The following MED13 variants were observed in gnomAD, a reference collection of about 807,000 sequenced individuals.
MED13 encodes mediator of RNA polymerase II transcription subunit 13.
A neutral mutation model predicts 225.2 loss-of-function variants in MED13; 23 were observed. The ratio of observed to expected loss-of-function variants is 0.10; its 90% confidence interval spans 0.07 to 0.14. The LOEUF is 0.14. Ranked by LOEUF, MED13 falls within the 10% of genes least tolerant of loss-of-function variation. MED13 has a pLI of 1.00. For synonymous variants in MED13, 942 were observed against 889.2 expected (o/e 1.06, Z -1.06); for missense variants, 2,197 against 2,594.5 (o/e 0.85, Z 3.33).
At chr17:61,984,596 A>T in intron 14 of MED13, 55 bp downstream of exon 14, 1 of 1,447,592 alleles carries the variant, frequency 6.9e-7, no homozygotes, top group Non-Finnish European at 9.4e-7. Context: ...GCAACAAATT[A>T]ATTCTATAAG....
intron 10 of MED13, among the ~76,000 whole-genome samples, chr17:61,993,643 T>C (rs997006374): frequency 3.3e-5 from 5 of 151,298 alleles, no homozygotes; most frequent in East Asian, 2.0e-4. Flanking sequence ...AAACATATTA[T>C]TGGGGGCCAG....
intron 16 of MED13, among the ~76,000 whole-genome samples, chr17:61,973,335 T>TA: frequency 6.6e-6 from 1 of 152,148 alleles, no homozygotes; most frequent in Non-Finnish European, 1.5e-5. Context: ...AAAAAAAAAG[T>TA]AGACTTTAAC....
chr17:62,035,754 T>C (rs2143693994), intron 3 of MED13, 146 bp from the exon 4 acceptor site: 4 of 690,150 alleles, frequency 5.8e-6, no homozygotes, highest in Admixed American at 3.0e-5. Flanking sequence ...ATCATGGATA[T>C]GAGCAAAGAC....
At chr17:62,040,160 CT>C (rs1027632223) in intron 3 of MED13, among the ~76,000 whole-genome samples, 5 of 152,102 alleles carry the variant, frequency 3.3e-5, no homozygotes, top group African/African-American at 1.2e-4. Flanking sequence ...TTCAGACTTG[CT>C]TTTTTTCCAA....
intron 3 of MED13, among the ~76,000 whole-genome samples, chr17:62,039,017 G>C (rs990617212): frequency 3.3e-5 from 5 of 152,114 alleles, no homozygotes; most frequent in Admixed American, 6.5e-5. Context: ...TTGGCTTCTT[G>C]ATATAAAGGG....
At chr17:62,018,628 C>T (rs2080606049) in intron 8 of MED13, among the ~76,000 whole-genome samples, 2 of 151,862 alleles carry the variant, frequency 1.3e-5, no homozygotes, top group African/African-American at 4.8e-5. Context: ...GCACGAAAAT[C>T]GCTCGAGCCA....
intron 26 of MED13, among the ~76,000 whole-genome samples, chr17:61,954,415 T>C (rs1195875779): frequency 2.0e-5 from 3 of 152,238 alleles, no homozygotes; most frequent in Non-Finnish European, 4.4e-5. Flanking sequence ...TGAGTTCATG[T>C]ACAGGTACCT....
intron 3 of MED13, among the ~76,000 whole-genome samples, chr17:62,048,060 A>ATG (rs1277270223): frequency 7.0e-6 from 1 of 143,576 alleles, no homozygotes; most frequent in Non-Finnish European, 1.5e-5. Flanking sequence ...ATATATATAT[A>ATG]TATGTATATA....
intron 2 of MED13, among the ~76,000 whole-genome samples, chr17:62,055,463 G>A (rs1315050716): frequency 1.3e-5 from 2 of 151,926 alleles, no homozygotes; most frequent in African/African-American, 4.8e-5. Flanking sequence ...ATGAAATTCT[G>A]AAAATTTTAT....
At position 61,946,328 on chromosome 17, in the gene MED13, T is replaced by C; in HGVS notation, c.*140A>G. ...CAGGGTTATAGCCCCTCCCCCCAAG[T>C]CAAAACAATATTTGTTGAAGTAATA... On this transcript the variant is annotated 3_prime_UTR_variant, in exon 30 of 30. Coordinates refer to ENST00000397786, the MANE Select transcript of MED13 (RefSeq NM_005121.3). 1 of 1,036,206 alleles carries C rather than the reference T, an allele frequency of 9.7e-7. No individual in the cohort carries two copies. Among genetic ancestry groups the C allele is most frequent in the East Asian group, 2.6e-5 (1 of 37,906 alleles). 64.2% of individuals were successfully genotyped at this position (1,036,206 alleles called of 1,614,324 possible).
At chr17:62,043,443 C>T (rs531431139) in intron 3 of MED13, among the ~76,000 whole-genome samples, 2 of 152,230 alleles carry the variant, frequency 1.3e-5, no homozygotes, top group South Asian at 4.1e-4. Context: ...GCTGAAGTAA[C>T]TACACCTAAT....
rs575646978 is a variant in MED13, at chr17:61,974,397, C to A, written c.3806-1509G>T. On this transcript the variant is annotated intron_variant, in intron 16 of 29. Transcript: ENST00000397786. Reference sequence around the variant, plus strand: ...CTTCAGCCTGGACAACAGAGCGAGACCCTTTCTCAAAAATAAATAAATAAA... The same window carrying A: ...CTTCAGCCTGGACAACAGAGCGAGAACCTTTCTCAAAAATAAATAAATAAA... Among the ~76,000 whole-genome samples the A allele has an allele frequency of 2.6e-5, 4 of 152,136 alleles. No homozygotes were observed. In the East Asian group the frequency reaches 7.7e-4, roughly 29 times the overall value.
At chr17:61,993,189 TTTC>T (rs1476621202) in intron 10 of MED13, among the ~76,000 whole-genome samples, 1 of 138,502 alleles carries the variant, frequency 7.2e-6, no homozygotes, top group Non-Finnish European at 1.5e-5. Flanking sequence ...ATGTTCTTTC[TTTC>T]TTTCTTTCTT....
intron 11 of MED13, among the ~76,000 whole-genome samples, chr17:61,989,537 C>A (rs2080277389): frequency 6.6e-6 from 1 of 152,106 alleles, no homozygotes; most frequent in Non-Finnish European, 1.5e-5. Context: ...GGAGTTTTGC[C>A]ATGTTGACCA....
Position 61,992,589 on chromosome 17 carries a change from T to C in MED13, c.2214A>G (p.Leu738=). 1 of 1,611,868 alleles carries C rather than the reference T, an allele frequency of 6.2e-7. No homozygotes were observed. The highest frequency in any genetic ancestry group is 8.5e-7 in the Non-Finnish European group (1 of 1,178,126). The change falls in exon 11 of 30, where the codon TTA becomes TTG. Residue 738 remains leucine (L), a synonymous_variant. Coordinates refer to ENST00000397786, the MANE Select transcript of MED13 (RefSeq NM_005121.3). ...ATGACATAGCATCTTCTTCATGTGA[T>C]AACACTGTTACACTAGATGTCCCAT... is the stretch of plus-strand genomic sequence containing the variant. ...VEDGTSSVTV[L]SHEEDAMSLF...
intron 3 of MED13, among the ~76,000 whole-genome samples, chr17:62,041,734 T>C (rs540241648): frequency 3.5e-4 from 53 of 152,200 alleles, no homozygotes; most frequent in African/African-American, 1.3e-3. Flanking sequence ...TGAGCCACTA[T>C]GTCCAGATAA....
At position 61,968,059 on chromosome 17, in the gene MED13, A is replaced by G. The variant is rs1039472174; in HGVS notation, c.4167T>C (p.Phe1389=). 12 of 1,612,968 alleles carry G rather than the reference A, an allele frequency of 7.4e-6. No homozygotes were observed. In the East Asian group the frequency reaches 1.8e-4, roughly 24 times the overall value. Residue 1389 remains phenylalanine (F), a synonymous_variant, in exon 18 of 30, where the codon TTT becomes TTC. Coordinates refer to ENST00000397786, the MANE Select transcript of MED13 (RefSeq NM_005121.3). ...CCTCATATATTGCAGTAAGATCTCT[A>G]AAAAAGCTTTTTGCTCCATTTAACA... ...EALLNGAKSF[F]RDLTAIYESC...
At chr17:62,035,404 A>T (rs2080793768) in intron 4 of MED13, 59 bp downstream of exon 4, 3 of 1,351,474 alleles carry the variant, frequency 2.2e-6, no homozygotes, top group African/African-American at 1.5e-5. Context: ...TAAAATTATG[A>T]AGTCAAATAA....
At chr17:62,056,693 G>A (rs546246834) in intron 2 of MED13, among the ~76,000 whole-genome samples, 2 of 152,032 alleles carry the variant, frequency 1.3e-5, no homozygotes, top group Non-Finnish European at 2.9e-5. Context: ...TCCAGGAGTC[G>A]GAGGCTGCAG....
Sources: gnomAD v4.1 joint callset for allele counts (sites outside exome capture counted in the v4.1 genomes callset) on GRCh38, gnomAD v4.1.1 for gene constraint, MANE v1.5 for transcripts, NCBI Gene and HGNC (gene_info 2026-07-23, HGNC 2026-07-21) for gene names.